The following LILRB5 variants were observed in gnomAD, a reference collection of about 807,000 sequenced individuals.
The protein encoded by LILRB5 is leukocyte immunoglobulin-like receptor subfamily B member 5.
Under a neutral mutation model 68.4 loss-of-function variants are expected in LILRB5, and 61 were observed. The observed-to-expected ratio is 0.89, with a 90% CI of 0.73 to 1.10. The LOEUF is 1.10. Among genes scored for constraint, LILRB5 ranks in the 50% least tolerant of loss-of-function variants. The pLI is 0.00. For synonymous variants in LILRB5, 356 were observed against 315.8 expected (o/e 1.13, Z -1.35); for missense variants, 771 against 751.6 (o/e 1.03, Z -0.30).
At position 54,256,723 on chromosome 19, in the gene LILRB5, G is replaced by C; in HGVS notation, c.121C>G (p.Arg41Gly). The C allele has an allele frequency of 6.2e-7, 1 of 1,614,092 alleles. No individual in the cohort carries two copies. The highest frequency in any genetic ancestry group is 8.5e-7 in the Non-Finnish European group (1 of 1,180,000). ...LWAEPASVIA[R>G]GKPVTLWCQG... ...CACCAGAGGGTCACGGGCTTCCCCC[G>C]AGCTATCACAGAGGCTGGCTCAGCC... Residue 41 changes from arginine (R) to glycine (G), a missense_variant, in exon 3 of 13, where the codon CGG becomes GGG. By Grantham distance (125) the Arg-to-Gly change is moderately radical. Transcript: ENST00000449561.
rs528300353 is a variant in LILRB5 at position 54,252,302 on chromosome 19, A to T, written c.1576+64T>A. The T allele has an allele frequency of 2.7e-5, 41 of 1,514,288 alleles. No individual in the cohort carries two copies. In the East Asian group the frequency reaches 3.2e-4, roughly 12 times the overall value. 93.8% of individuals were successfully genotyped at this position (1,514,288 alleles called of 1,614,324 possible). A position where few individuals can be genotyped will look rare whatever the true frequency, so the allele number is the denominator to read the frequency against. ...CCCCCCAGCCTGTGCTCCTGCCCCC[A>T]TTGCTACAGAAACTTTGGTGCTCCC... is the stretch of plus-strand genomic sequence containing the variant. On this transcript the variant is annotated intron_variant, in intron 11 of 12. Coordinates refer to ENST00000449561, the MANE Select transcript of LILRB5 (RefSeq NM_001081442.3).
rs1272576591 is a variant in LILRB5 at position 54,256,092 on chromosome 19, G to A, written c.606C>T (p.Asn202=). ...CACTGGGGTTCGACCACACCTGAGGGTTTTTCCTGTAATAGTAATAGCATC... is the reference window on the plus strand; with the variant it reads ...CACTGGGGTTCGACCACACCTGAGGATTTTTCCTGTAATAGTAATAGCATC... ...RFRCYYYYRK[N]PQVWSNPSDL... The change falls in exon 4 of 13, where the codon AAC becomes AAT. Residue 202 remains asparagine, a synonymous_variant. Coordinates refer to ENST00000449561, the MANE Select transcript of LILRB5 (RefSeq NM_001081442.3). The A allele has an allele frequency of 4.4e-6, 7 of 1,587,512 alleles. No individual in the cohort carries two copies. Among genetic ancestry groups the A allele is most frequent in the Non-Finnish European group, 6.0e-6 (7 of 1,167,952 alleles).
chr19:54,256,190 T>A lies in LILRB5; in HGVS notation c.508A>T (p.Lys170Ter). The change falls in exon 4 of 13, where the codon AAG (lysine) becomes TAG (stop). Residue 170 changes from lysine (K) to a stop codon, truncating the protein, a stop_gained. Transcript: ENST00000449561. LOFTEE classifies it high-confidence loss of function. ...GCCTGGGATGGCCCTTTGGGGAGCT[T>A]CTGTGAGTACAGGGTCCTGGGGAGC... ...QKLPRTLYSQ[K>*]LPKGPSQALF... 1 of 1,613,944 alleles carries A rather than the reference T, an allele frequency of 6.2e-7. No individual in the cohort carries two copies. The highest frequency in any genetic ancestry group is 8.5e-7 in the Non-Finnish European group (1 of 1,179,966).
chr19:54,255,172 C>A, intron 5 of LILRB5, 114 bp downstream of exon 5: 1 of 937,952 alleles, frequency 1.1e-6, no homozygotes, highest in Admixed American at 2.7e-5. Flanking sequence ...CTCTGTCTGT[C>A]TCTCCCTCCC....
chr19:54,254,735 C>T lies in LILRB5; in HGVS notation c.1255G>A (p.Gly419Arg), dbSNP rs750319442. The T allele has an allele frequency of 2.3e-5, 37 of 1,613,818 alleles. No homozygotes were observed. Among genetic ancestry groups the T allele is most frequent in the Non-Finnish European group, 3.1e-5 (36 of 1,179,926 alleles). Residue 419 changes from glycine to arginine, a missense_variant and splice_region_variant, in exon 6 of 13, where the codon GGA (glycine) becomes AGA (arginine). Gly to Arg is a moderately radical substitution (Grantham distance 125). Transcript: ENST00000449561. ...PSYPQELVVS[G>R]PSGDPSLSPT... is the part of the protein sequence containing the mutation. ...GACAGGACAGGGTCAGGGCCCTCAC[C>T]TGAGACCACGAGCTCCTGGGGGTAA...
At chr19:54,251,470 G>T (rs2078951466) in intron 12 of LILRB5, 1 of 547,356 alleles carries the variant, frequency 1.8e-6, no homozygotes. Flanking sequence ...AGGATCGTGT[G>T]CCCCACTCTG....
chr19:54,253,675 C>T (rs762455719), intron 8 of LILRB5: 27 of 716,092 alleles, frequency 3.8e-5, no homozygotes, highest in East Asian at 8.8e-5. Flanking sequence ...CGGTGGGATG[C>T]GGCAGAGCTG....
Position 54,251,253 on chromosome 19 carries a change from C to T in LILRB5, c.1630-321G>A, listed in dbSNP as rs995386564. On this transcript the variant is annotated intron_variant, in intron 12 of 12. Transcript: ENST00000449561. The stretch of plus-strand genomic sequence containing the variant: ...TTTCCTCACTGTTCCCGGGGTGATC[C>T]GATTACATCCCTTTCCTGATGGAAT... 61 of 1,023,756 alleles carry T rather than the reference C, an allele frequency of 6.0e-5. 1 individual carries two copies. In the African/African-American group the frequency reaches 6.6e-4, roughly 11 times the overall value. The allele number at this position is 1,023,756 out of a possible 1,614,324, so 63.4% of individuals were successfully genotyped here.
At chr19:54,253,535 G>C (rs1569051914) in intron 8 of LILRB5, 1 of 312,280 alleles carries the variant, frequency 3.2e-6, no homozygotes, top group East Asian at 7.3e-5. Flanking sequence ...TGCCCCTGCC[G>C]AGCTGTGTAC....
At chr19:54,253,777 A>G in intron 8 of LILRB5, 3 of 1,399,108 alleles carry the variant, frequency 2.1e-6, no homozygotes, top group Non-Finnish European at 2.9e-6. Flanking sequence ...AATGCCCCAA[A>G]CCACGGCCCT....
At position 54,256,741 on chromosome 19, in the gene LILRB5, G is replaced by T; in HGVS notation, c.103C>A (p.Pro35Thr). 6.2e-7 allele frequency: 1 copy of T among 1,614,094 alleles called. No individual in the cohort carries two copies. Among genetic ancestry groups the T allele is most frequent in the Non-Finnish European group, 8.5e-7 (1 of 1,180,014 alleles). ...TLPKPTLWAEPASVIARGKPV... is the reference protein window; with the variant it reads ...TLPKPTLWAETASVIARGKPV... Reference sequence around the variant, plus strand: ...TTCCCCCGAGCTATCACAGAGGCTGGCTCAGCCCAGAGGGTGGGTTTGGGG... The same window carrying T: ...TTCCCCCGAGCTATCACAGAGGCTGTCTCAGCCCAGAGGGTGGGTTTGGGG... The change falls in exon 3 of 13, where the codon CCA (proline) becomes ACA (threonine). Residue 35 changes from proline (P) to threonine (T), a missense_variant. By Grantham distance (38) the Pro-to-Thr change is conservative (BLOSUM62 -1). Coordinates refer to ENST00000449561, the MANE Select transcript of LILRB5 (RefSeq NM_001081442.3).
In LILRB5 at chr19:54,256,948, G is replaced by A; in HGVS notation, c.70+13C>T. ...GAGAAGAAGGGACCTGGGACAGCTG[G>A]GGACAGACTCACCTGCCTGCACGCA... is the stretch of plus-strand genomic sequence containing the variant. On this transcript the variant is annotated intron_variant, in intron 2 of 12. Transcript: ENST00000449561. 1 of 1,614,190 alleles carries A rather than the reference G, an allele frequency of 6.2e-7. No homozygotes were observed. Among genetic ancestry groups the A allele is most frequent in the Non-Finnish European group, 8.5e-7 (1 of 1,180,022 alleles).
In LILRB5 at chr19:54,250,640, T is replaced by A. The variant is rs1218616318; in HGVS notation, c.*146A>T. 4.1e-6 allele frequency: 4 copies of A among 969,120 alleles called. No homozygotes were observed. Among genetic ancestry groups the A allele is most frequent in the Non-Finnish European group, 6.1e-6 (4 of 653,346 alleles). The allele number at this position is 969,120 out of a possible 1,614,324, so 60.0% of individuals were successfully genotyped here. A position where few individuals can be genotyped will look rare whatever the true frequency, so the allele number is the denominator to read the frequency against. The stretch of plus-strand genomic sequence containing the variant: ...ATCTTTGACTGCAGAATCTAGTGAG[T>A]CCCAGAGTTCCCAGGATGTCCTGGT... On this transcript the variant is annotated 3_prime_UTR_variant, in exon 13 of 13. Coordinates refer to ENST00000449561, the MANE Select transcript of LILRB5 (RefSeq NM_001081442.3).
chr19:54,256,639 G>C lies in LILRB5; in HGVS notation c.205C>G (p.Arg69Gly), dbSNP rs772826896. The stretch of plus-strand genomic sequence containing the variant: ...GGCTCCAGTGGGTTCTGTCTCTTCC[G>C]GGCCCATGGGAGTCCCTCCTTATCC... ...RLDKEGLPWA[R>G]KRQNPLEPGA... Residue 69 changes from arginine (R) to glycine (G), a missense_variant, in exon 3 of 13, where the codon CGG becomes GGG. By Grantham distance (125) the Arg-to-Gly change is moderately radical. Coordinates refer to ENST00000449561, the MANE Select transcript of LILRB5 (RefSeq NM_001081442.3). 6.2e-7 allele frequency: 1 copy of C among 1,614,000 alleles called. No homozygotes were observed. The highest frequency in any genetic ancestry group is 1.3e-5 in the African/African-American group (1 of 74,902).
In LILRB5 at chr19:54,257,210, G is replaced by A; in HGVS notation, c.-17C>T. On this transcript the variant is annotated 5_prime_UTR_variant, in exon 1 of 13. Coordinates refer to ENST00000449561, the MANE Select transcript of LILRB5 (RefSeq NM_001081442.3). ...GAGGGTCATGGCGTCAGCTCCCACT[G>A]GACTCAGCTGTGCAGGCGGATGAGA... 1 of 1,614,158 alleles carries A rather than the reference G, an allele frequency of 6.2e-7. No homozygotes were observed. Among genetic ancestry groups the A allele is most frequent in the Non-Finnish European group, 8.5e-7 (1 of 1,180,022 alleles).
At chr19:54,252,216 C>T in intron 11 of LILRB5, 110 bp from the exon 12 acceptor site, 1 of 1,461,058 alleles carries the variant, frequency 6.8e-7, no homozygotes, top group Non-Finnish European at 9.5e-7. Context: ...CAGGGAGGGA[C>T]TGTGATGTCC....
At position 54,254,123 on chromosome 19, in the gene LILRB5, C is replaced by T. The variant is rs545894661; in HGVS notation, c.1307-55G>A. On this transcript the variant is annotated intron_variant, in intron 7 of 12. Coordinates refer to ENST00000449561, the MANE Select transcript of LILRB5 (RefSeq NM_001081442.3). ...GGCTGCCCTGCTCCCCACATCAGCCCGGCTGCTCCTCCCCCAGGCTGGGCC... is the reference window on the plus strand; with the variant it reads ...GGCTGCCCTGCTCCCCACATCAGCCTGGCTGCTCCTCCCCCAGGCTGGGCC... The T allele has an allele frequency of 6.7e-5, 104 of 1,560,610 alleles. 1 individual carries two copies. Among genetic ancestry groups the T allele is most frequent in the Non-Finnish European group, 8.2e-5 (95 of 1,152,816 alleles).
At chr19:54,257,036 C>A (rs1397339981) in intron 1 of LILRB5, 40 bp from the exon 2 acceptor site, 16 of 1,614,040 alleles carry the variant, frequency 9.9e-6, no homozygotes, top group Non-Finnish European at 1.3e-5. Flanking sequence ...CCCCTGGAAG[C>A]CCCAGCAGTT....
intron 8 of LILRB5, 168 bp downstream of exon 8, chr19:54,253,850 G>T: frequency 6.7e-7 from 1 of 1,498,882 alleles, no homozygotes; most frequent in African/African-American, 1.4e-5. Context: ...GTCCCCTGAA[G>T]AATCCCATCA....
Sources: allele counts gnomAD v4.1 joint callset, GRCh38; gene constraint gnomAD v4.1.1; transcripts MANE v1.5; gene names NCBI Gene and HGNC (gene_info 2026-07-23, HGNC 2026-07-21).